Variants in SOCS7 observed in about 807,000 individuals in gnomAD.
The protein encoded by SOCS7 is suppressor of cytokine signaling 7.
SOCS7 carries 18 observed loss-of-function variants against 58.9 expected under a neutral mutation model. The observed-to-expected ratio is 0.31, with a 90% CI of 0.21 to 0.45. SOCS7 has a LOEUF of 0.45. Ranked by LOEUF, SOCS7 falls within the 20% of genes least tolerant of loss-of-function variation. SOCS7 has a pLI of 1.00. For missense variants in SOCS7, 667 were observed against 837.3 expected (o/e 0.80, Z 2.51); for synonymous variants, 388 against 364.3 (o/e 1.06, Z -0.74).
intron 1 of SOCS7, among the ~76,000 whole-genome samples, chr17:38,358,839 C>T (rs929890742): frequency 1.3e-5 from 2 of 152,068 alleles, no homozygotes; most frequent in African/African-American, 4.8e-5. Flanking sequence ...AACAGCTCTC[C>T]CTGGATTCAG....
chr17:38,378,357 A>AC (rs774491170), intron 7 of SOCS7, among the ~76,000 whole-genome samples: 16 of 152,076 alleles, frequency 1.1e-4, no homozygotes, highest in Non-Finnish European at 2.1e-4. Flanking sequence ...TCTTAAAAAA[A>AC]TAAAAAATTA....
At chr17:38,359,702 A>G (rs2037688998) in intron 1 of SOCS7, among the ~76,000 whole-genome samples, 1 of 151,532 alleles carries the variant, frequency 6.6e-6, no homozygotes, top group South Asian at 2.1e-4. Context: ...CAGGCACTCA[A>G]TTCTGCGGTA....
At position 38,404,070 on chromosome 17, in the gene SOCS7, C is replaced by T. The variant is rs2038358438; in HGVS notation, c.*4588C>T. On this transcript the variant is annotated 3_prime_UTR_variant, in exon 10 of 10. Coordinates refer to ENST00000612932, the MANE Select transcript of SOCS7 (RefSeq NM_014598.4). ...TCACAAAGGTCAAGTCTGCACGTCC[C>T]TGTGGTAGACCCTGCTTTCACATTG... The T allele has an allele frequency of 6.6e-6, 1 of 152,122 alleles. No individual in the cohort carries two copies. The allele number at this position is 152,122 out of a possible 1,614,324, so 9.4% of individuals were successfully genotyped here.
In SOCS7 at chr17:38,401,655, G is replaced by A. The variant is rs2038320564; in HGVS notation, c.*2173G>A. On this transcript the variant is annotated 3_prime_UTR_variant, in exon 10 of 10. Coordinates refer to ENST00000612932, the MANE Select transcript of SOCS7 (RefSeq NM_014598.4). ...AGACGTTTATAGTAGATAAGATCAG[G>A]GTAGACCAGATGGTCTGGGAAAGTT... 1 of 152,144 alleles carries A rather than the reference G, an allele frequency of 6.6e-6. No individual in the cohort carries two copies. Among genetic ancestry groups the A allele is most frequent in the Non-Finnish European group, 1.5e-5 (1 of 68,052 alleles). 9.4% of individuals were successfully genotyped at this position (152,144 alleles called of 1,614,324 possible). A position where few individuals can be genotyped will look rare whatever the true frequency, so the allele number is the denominator to read the frequency against.
intron 1 of SOCS7, among the ~76,000 whole-genome samples, chr17:38,360,848 CAT>C (rs1400469681): frequency 6.6e-6 from 1 of 152,208 alleles, no homozygotes; most frequent in Non-Finnish European, 1.5e-5. Flanking sequence ...CAGCATATAA[CAT>C]ATTTCTATTA....
At chr17:38,367,666 T>G (rs1555568571) in intron 5 of SOCS7, among the ~76,000 whole-genome samples, 1 of 152,198 alleles carries the variant, frequency 6.6e-6, no homozygotes, top group African/African-American at 2.4e-5. Context: ...GAGCCACAGC[T>G]CACGGCCAGA....
chr17:38,398,759 T>G (rs2038277691), intron 9 of SOCS7, among the ~76,000 whole-genome samples: 1 of 152,128 alleles, frequency 6.6e-6, no homozygotes. Context: ...CCTTTGTGTT[T>G]CTGTGTCAAC....
At position 38,372,010 on chromosome 17, in the gene SOCS7, C is replaced by G. The variant is rs141813799; in HGVS notation, c.1552+3960C>G. On this transcript the variant is annotated intron_variant, in intron 6 of 9. Coordinates refer to ENST00000612932, the MANE Select transcript of SOCS7 (RefSeq NM_014598.4). ...GAATGAGACCCACAAAACTGCTGTTCCTGTCTTTCCTCGACTATTCCATAT... is the reference window on the plus strand; with the variant it reads ...GAATGAGACCCACAAAACTGCTGTTGCTGTCTTTCCTCGACTATTCCATAT... Among the ~76,000 whole-genome samples the G allele has an allele frequency of 4.4e-3, 666 of 152,064 alleles. 6 individuals carry two copies. Among genetic ancestry groups the G allele is most frequent in the African/African-American group, 0.015 (634 of 41,466 alleles).
intron 6 of SOCS7, among the ~76,000 whole-genome samples, chr17:38,373,176 T>C (rs9904702): frequency 0.021 from 3,205 of 152,008 alleles, 118 homozygotes; most frequent in African/African-American, 0.074. Context: ...GTAAAGTCAT[T>C]ATATGACAAC....
chr17:38,384,793 A>G (rs1240637761), intron 7 of SOCS7, among the ~76,000 whole-genome samples: 1 of 147,846 alleles, frequency 6.8e-6, no homozygotes, highest in Non-Finnish European at 1.5e-5. Flanking sequence ...GGGTTTTACC[A>G]TGTTGGTCAG....
intron 1 of SOCS7, among the ~76,000 whole-genome samples, chr17:38,355,069 CT>C (rs958885623): frequency 6.6e-6 from 1 of 152,024 alleles, no homozygotes; most frequent in Non-Finnish European, 1.5e-5. Context: ...GGTCCAAGGG[CT>C]TTTTTTGATG....
At chr17:38,361,228 A>G (rs1021864363) in intron 1 of SOCS7, among the ~76,000 whole-genome samples, 9 of 152,372 alleles carry the variant, frequency 5.9e-5, no homozygotes, top group African/African-American at 2.2e-4. Context: ...TGAAGACTGC[A>G]CATGCATCCT....
chr17:38,378,703 A>G (rs2037962736), intron 7 of SOCS7, among the ~76,000 whole-genome samples: 1 of 152,190 alleles, frequency 6.6e-6, no homozygotes, highest in Non-Finnish European at 1.5e-5. Context: ...GGCAGTTGCT[A>G]TCCTTGCTGA....
chr17:38,368,201 T>C, intron 6 of SOCS7, 151 bp downstream of exon 6: 1 of 625,660 alleles, frequency 1.6e-6, no homozygotes, highest in East Asian at 3.0e-5. Flanking sequence ...TGAGCGCTGA[T>C]TTCCGTCACT....
chr17:38,388,183 C>A (rs1261704716), intron 7 of SOCS7, among the ~76,000 whole-genome samples: 3 of 152,010 alleles, frequency 2.0e-5, no homozygotes, highest in African/African-American at 7.3e-5. Flanking sequence ...TCCCTCTCTC[C>A]CTCCCTTCCT....
chr17:38,384,671 C>T (rs546777610), intron 7 of SOCS7, among the ~76,000 whole-genome samples: 1 of 151,792 alleles, frequency 6.6e-6, no homozygotes, highest in Admixed American at 6.6e-5. Context: ...GGCTCACTGC[C>T]ACCATCCACA....
Position 38,351,906 on chromosome 17 carries a change from C to T in SOCS7, c.-147C>T, listed in dbSNP as rs556507282. On this transcript the variant is annotated 5_prime_UTR_variant, in exon 1 of 10. Coordinates refer to ENST00000612932, the MANE Select transcript of SOCS7 (RefSeq NM_014598.4). ...CTGGGCTCGCGCTGGGCTCCGCGCG[C>T]CCCCCGCCCCCCTCTATGAGGCAGA... 4.1e-4 allele frequency among the ~76,000 whole-genome samples: 61 copies of T among 150,034 alleles called. No individual in the cohort carries two copies. The highest frequency in any genetic ancestry group is 8.2e-4 in the Non-Finnish European group (55 of 67,324).
Position 38,378,142 on chromosome 17 carries a change from A to G in SOCS7, c.1681+300A>G, listed in dbSNP as rs1380361769. On this transcript the variant is annotated intron_variant, in intron 7 of 9. Coordinates refer to ENST00000612932, the MANE Select transcript of SOCS7 (RefSeq NM_014598.4). ...AGGTATCCCTGATCTAGGCATCTCAACATTTATAAGTGAAGCAGAAAGATG... is the reference window on the plus strand; with the variant it reads ...AGGTATCCCTGATCTAGGCATCTCAGCATTTATAAGTGAAGCAGAAAGATG... Among the ~76,000 whole-genome samples the G allele has an allele frequency of 2.6e-5, 4 of 152,202 alleles. 1 individual carries two copies. Among genetic ancestry groups the G allele is most frequent in the South Asian group, 4.1e-4 (2 of 4,838 alleles).
Position 38,400,987 on chromosome 17 carries a change from T to C in SOCS7, c.*1505T>C, listed in dbSNP as rs568701451. 1 of 152,364 alleles carries C rather than the reference T, an allele frequency of 6.6e-6. No individual in the cohort carries two copies. Among genetic ancestry groups the C allele is most frequent in the African/African-American group, 2.4e-5 (1 of 41,580 alleles). 9.4% of individuals were successfully genotyped at this position (152,364 alleles called of 1,614,324 possible). A position where few individuals can be genotyped will look rare whatever the true frequency, so the allele number is the denominator to read the frequency against. On this transcript the variant is annotated 3_prime_UTR_variant, in exon 10 of 10. Transcript: ENST00000612932. ...TCTCTTTCTGGGTTCCCCATGCTTA[T>C]AGTTGCCTCGTGTCACAAGACAGAT...
Sources: allele counts gnomAD v4.1 joint callset (sites outside exome capture counted in the v4.1 genomes callset), GRCh38; gene constraint gnomAD v4.1.1; transcripts MANE v1.5; gene names NCBI Gene and HGNC (gene_info 2026-07-23, HGNC 2026-07-21).